Variants in IMMP2L observed in about 807,000 individuals in gnomAD.
IMMP2L encodes the protein mitochondrial inner membrane protease subunit 2.
A neutral mutation model predicts 19.3 loss-of-function variants in IMMP2L; 18 were observed. The observed-to-expected ratio is 0.93, with a 90% CI of 0.64 to 1.38. The LOEUF is 1.38. Ranked by LOEUF, IMMP2L falls within the 40% of genes most tolerant of loss-of-function variation. The pLI is 0.00. For missense variants in IMMP2L, 233 were observed against 218.2 expected (o/e 1.07, Z -0.43); for synonymous variants, 76 against 73.0 (o/e 1.04, Z -0.21).
intron 2 of IMMP2L, among the ~76,000 whole-genome samples, chr7:111,492,712 G>T (rs1190263009): frequency 6.6e-6 from 1 of 152,074 alleles, no homozygotes; most frequent in Non-Finnish European, 1.5e-5. Flanking sequence ...ATAAACAAAA[G>T]ATTTATGCAA....
At chr7:111,295,035 G>A (rs1262699957) in intron 3 of IMMP2L, among the ~76,000 whole-genome samples, 2 of 151,758 alleles carry the variant, frequency 1.3e-5, no homozygotes, top group Non-Finnish European at 3.0e-5. Context: ...CAAGTTTTCT[G>A]ATAATATGTG....
intron 5 of IMMP2L, among the ~76,000 whole-genome samples, chr7:110,766,138 G>C (rs550297602): frequency 6.6e-6 from 1 of 152,092 alleles, no homozygotes; most frequent in Non-Finnish European, 1.5e-5. Flanking sequence ...TCTACAAATA[G>C]AATAAATTAC....
chr7:111,365,126 C>T (rs1829647848), intron 3 of IMMP2L, among the ~76,000 whole-genome samples: 1 of 151,954 alleles, frequency 6.6e-6, no homozygotes, highest in South Asian at 2.1e-4. Context: ...AGGTCTTAAC[C>T]TTTCTGCTGC....
chr7:110,920,106 G>A (rs529055217), intron 4 of IMMP2L, among the ~76,000 whole-genome samples: 149 of 152,242 alleles, frequency 9.8e-4, no homozygotes, highest in Admixed American at 4.4e-3. Context: ...AGGCTGCACT[G>A]TTGGCTTCCC....
chr7:110,785,968 G>A (rs977831195), intron 5 of IMMP2L, among the ~76,000 whole-genome samples: 4 of 151,430 alleles, frequency 2.6e-5, no homozygotes, highest in Admixed American at 6.6e-5. Context: ...AGGATCTTTC[G>A]TATTTTCTGC....
chr7:111,078,548 A>G (rs941598200), intron 3 of IMMP2L, among the ~76,000 whole-genome samples: 1 of 152,176 alleles, frequency 6.6e-6, no homozygotes, highest in Non-Finnish European at 1.5e-5. Flanking sequence ...TTTTTATGAC[A>G]TAATTTTTAA....
chr7:111,012,468 C>T (rs1325436352), intron 3 of IMMP2L, among the ~76,000 whole-genome samples: 3 of 152,012 alleles, frequency 2.0e-5, no homozygotes, highest in African/African-American at 7.2e-5. Flanking sequence ...TATACTTTTT[C>T]AATTTACAAT....
At chr7:110,935,392 G>A (rs901817191) in intron 4 of IMMP2L, among the ~76,000 whole-genome samples, 10 of 151,482 alleles carry the variant, frequency 6.6e-5, no homozygotes, top group African/African-American at 2.4e-4. Context: ...GCTTCCCTTT[G>A]TGAGTAACCC....
chr7:111,352,353 C>T (rs554694844), intron 3 of IMMP2L, among the ~76,000 whole-genome samples: 2 of 151,040 alleles, frequency 1.3e-5, no homozygotes, highest in African/African-American at 4.9e-5. Context: ...GTACATGCCA[C>T]CATGCACAAC....
At chr7:111,174,964 CTTAATA>C (rs1806876944) in intron 3 of IMMP2L, among the ~76,000 whole-genome samples, 1 of 151,736 alleles carries the variant, frequency 6.6e-6, no homozygotes, top group Non-Finnish European at 1.5e-5. Flanking sequence ...ACAATATGCA[CTTAATA>C]ATTTCTTAGT....
At chr7:110,815,953 GTCTC>G in intron 5 of IMMP2L, among the ~76,000 whole-genome samples, 1 of 151,950 alleles carries the variant, frequency 6.6e-6, no homozygotes, top group Non-Finnish European at 1.5e-5. Context: ...GGTTTTTTGT[GTCTC>G]TATTTCCTTC....
intron 5 of IMMP2L, among the ~76,000 whole-genome samples, chr7:110,881,804 C>A (rs562666213): frequency 1.4e-5 from 2 of 147,982 alleles, no homozygotes; most frequent in Middle Eastern, 3.2e-3. Context: ...ACCCATTAAC[C>A]ACTCTAGGCA....
At chr7:111,559,871 C>G (rs1228645155) in intron 1 of IMMP2L, among the ~76,000 whole-genome samples, 1 of 152,004 alleles carries the variant, frequency 6.6e-6, no homozygotes, top group African/African-American at 2.4e-5. Flanking sequence ...AGCCAGAAAT[C>G]AAGCTCATGT....
At chr7:111,062,013 G>C (rs1794060788) in intron 3 of IMMP2L, among the ~76,000 whole-genome samples, 1 of 152,176 alleles carries the variant, frequency 6.6e-6, no homozygotes, top group South Asian at 2.1e-4. Flanking sequence ...TAGCATCTCA[G>C]ATTTAAGGTG....
chr7:111,340,030 C>T (rs530312733), intron 3 of IMMP2L, among the ~76,000 whole-genome samples: 1 of 151,928 alleles, frequency 6.6e-6, no homozygotes, highest in African/African-American at 2.4e-5. Flanking sequence ...ATACAGAATA[C>T]TCTAGAAACA....
intron 3 of IMMP2L, chr7:111,392,908 T>TG (rs371247769): frequency 2.2e-6 from 1 of 450,460 alleles, no homozygotes; most frequent in Non-Finnish European, 4.5e-6. Context: ...CCCATGGAGC[T>TG]GGGGGGTCCC....
rs1218445124 is a variant in IMMP2L, at chr7:111,270,309, C to T, written c.239+216929G>A. On this transcript the variant is annotated intron_variant, in intron 3 of 5. Coordinates refer to ENST00000405709, the MANE Select transcript of IMMP2L (RefSeq NM_032549.4). ...ATTACCTGTCTCCCATTATGATAAA[C>T]TTCAGTAGTGCCTTAAAGAAACCTT... Among the ~76,000 whole-genome samples the T allele has an allele frequency of 3.9e-5, 6 of 152,122 alleles. 1 individual carries two copies. Among genetic ancestry groups the T allele is most frequent in the African/African-American group, 1.4e-4 (6 of 41,434 alleles).
chr7:111,339,548 A>G (rs2130773243), intron 3 of IMMP2L, among the ~76,000 whole-genome samples: 1 of 152,118 alleles, frequency 6.6e-6, no homozygotes, highest in Non-Finnish European at 1.5e-5. Context: ...GACACAGTGA[A>G]GTAAAGAGTT....
At chr7:111,418,247 T>A (rs796393835) in intron 3 of IMMP2L, among the ~76,000 whole-genome samples, 33 of 151,778 alleles carry the variant, frequency 2.2e-4, no homozygotes, top group African/African-American at 7.8e-4. Context: ...AATTTTGTAT[T>A]TTTTTTAGGA....
Sources: gnomAD v4.1 joint callset for allele counts (sites outside exome capture counted in the v4.1 genomes callset) on GRCh38, gnomAD v4.1.1 for gene constraint, MANE v1.5 for transcripts, NCBI Gene and HGNC (gene_info 2026-07-23, HGNC 2026-07-21) for gene names.